Variants in FYN observed in about 807,000 individuals in gnomAD.
FYN encodes tyrosine-protein kinase Fyn.
In FYN, 10 loss-of-function variants were observed where a neutral mutation model predicts 70.2. That is an observed-to-expected ratio of 0.14 (90% CI 0.09 to 0.24). The LOEUF (loss-of-function observed/expected upper bound fraction) is 0.24. FYN is among the 10% of genes least tolerant of loss of function. FYN has a pLI of 1.00. For synonymous variants in FYN, 236 were observed against 248.6 expected (o/e 0.95, Z 0.48); for missense variants, 319 against 673.1 (o/e 0.47, Z 5.82).
chr6:111,782,038 G>A (rs770195147), intron 2 of FYN, among the ~76,000 whole-genome samples: 1 of 152,140 alleles, frequency 6.6e-6, no homozygotes, highest in South Asian at 2.1e-4. Flanking sequence ...ATGAGATCAT[G>A]TTTTTCCCCA....
At chr6:111,733,662 T>G (rs1273916188) in intron 3 of FYN, among the ~76,000 whole-genome samples, 1 of 152,184 alleles carries the variant, frequency 6.6e-6, no homozygotes, top group Non-Finnish European at 1.5e-5. Context: ...GTACAGAGCG[T>G]GTCACTCTGA....
At chr6:111,872,442 G>C (rs898980216) in intron 1 of FYN, among the ~76,000 whole-genome samples, 8 of 151,342 alleles carry the variant, frequency 5.3e-5, no homozygotes, top group Non-Finnish European at 1.2e-4. Flanking sequence ...GGGGAGGATG[G>C]GGGAAGTGCA....
At chr6:111,800,049 T>C (rs1771936106) in intron 2 of FYN, among the ~76,000 whole-genome samples, 1 of 151,984 alleles carries the variant, frequency 6.6e-6, no homozygotes, top group South Asian at 2.1e-4. Context: ...AAAAAGGGAG[T>C]TGTAAAAATT....
At position 111,694,759 on chromosome 6, in the gene FYN, G is replaced by C; in HGVS notation, c.1043-55C>G. On this transcript the variant is annotated intron_variant, in intron 10 of 13. Coordinates refer to ENST00000354650, the MANE Select transcript of FYN (RefSeq NM_002037.5). This position sits in a 1 kb window ranked among gnomAD's most constrained non-coding sequence, Gnocchi z 5.0. ...TTACTTTGAAAGATAATTCCCAACA[G>C]AGAGCTGTATTTGGTTTTCTTATTA... is the stretch of plus-strand genomic sequence containing the variant. 6.8e-7 allele frequency: 1 copy of C among 1,469,192 alleles called. No homozygotes were observed. Among genetic ancestry groups the C allele is most frequent in the Non-Finnish European group, 9.4e-7 (1 of 1,059,550 alleles). 91.0% of individuals were successfully genotyped at this position (1,469,192 alleles called of 1,614,324 possible).
chr6:111,703,127 C>A, intron 7 of FYN, 93 bp from the exon 8 acceptor site: 2 of 1,136,374 alleles, frequency 1.8e-6, no homozygotes, highest in South Asian at 1.4e-5. Flanking sequence ...TAATAATTAC[C>A]AAGGATGCAC....
intron 2 of FYN, among the ~76,000 whole-genome samples, chr6:111,841,185 CT>C (rs1283926655): frequency 6.6e-6 from 1 of 152,202 alleles, no homozygotes; most frequent in Non-Finnish European, 1.5e-5. Flanking sequence ...GATGCCACCC[CT>C]GGAAGTCATT....
chr6:111,714,923 G>C (rs1176635758), intron 4 of FYN, among the ~76,000 whole-genome samples: 2 of 152,142 alleles, frequency 1.3e-5, no homozygotes, highest in African/African-American at 4.8e-5. Context: ...CCTGCAGCTT[G>C]GGGAAATTTA....
Position 111,780,575 on chromosome 6 carries a change from C to T in FYN, c.-21G>A, listed in dbSNP as rs958977181. On this transcript the variant is annotated 5_prime_UTR_variant, in exon 3 of 14. Transcript: ENST00000354650. ...ATGCAGCAACACTTACCAAAATGTC[C>T]GCCAACGATCACAAACTTTATATAC... 2 of 152,604 alleles carry T rather than the reference C, an allele frequency of 1.3e-5. No individual in the cohort carries two copies. The highest frequency in any genetic ancestry group is 6.5e-5 in the Admixed American group (1 of 15,270). The allele number at this position is 152,604 out of a possible 1,614,324, so 9.5% of individuals were successfully genotyped here. A position where few individuals can be genotyped will look rare whatever the true frequency, so the allele number is the denominator to read the frequency against.
At chr6:111,777,196 A>G (rs1223643310) in intron 3 of FYN, among the ~76,000 whole-genome samples, 1 of 152,202 alleles carries the variant, frequency 6.6e-6, no homozygotes, top group Admixed American at 6.5e-5. Context: ...AAGCCGTCAG[A>G]GGCCCATCTG....
chr6:111,747,472 G>A (rs1802278859), intron 3 of FYN, among the ~76,000 whole-genome samples: 2 of 152,232 alleles, frequency 1.3e-5, no homozygotes, highest in Non-Finnish European at 2.9e-5. Flanking sequence ...AGTGTATTCT[G>A]TCTTCTCCTG....
Position 111,696,394 on chromosome 6 carries a change from C to G in FYN, c.925G>C (p.Glu309Gln). ...KTLKPGTMSPESFLEEAQIMK... is the reference protein window; with the variant it reads ...KTLKPGTMSPQSFLEEAQIMK... ...ATCTGCGCTTCCTCAAGGAATGATT[C>G]GGGGGACATTGTGCCTGGTTTAAGA... Residue 309 changes from glutamate (E) to glutamine (Q), a missense_variant, in exon 10 of 14, where the codon GAA becomes CAA. By Grantham distance (29) the Glu-to-Gln change is conservative. Transcript: ENST00000354650. 6.2e-7 allele frequency: 1 copy of G among 1,613,098 alleles called. No homozygotes were observed. The highest frequency in any genetic ancestry group is 8.5e-7 in the Non-Finnish European group (1 of 1,179,590).
chr6:111,756,447 C>A (rs9400497), intron 3 of FYN, among the ~76,000 whole-genome samples: 68,052 of 149,368 alleles, frequency 0.46, 15,512 homozygotes, highest in East Asian at 0.62. Context: ...AGATCAAAAC[C>A]AAAAAAAAAT....
intron 1 of FYN, among the ~76,000 whole-genome samples, chr6:111,849,348 G>A (rs1239051236): frequency 6.6e-6 from 1 of 152,148 alleles, no homozygotes; most frequent in Non-Finnish European, 1.5e-5. Context: ...AAATAAAACT[G>A]AGCAATCCTC....
intron 4 of FYN, among the ~76,000 whole-genome samples, chr6:111,719,221 C>G (rs768260883): frequency 1.3e-5 from 2 of 150,938 alleles, no homozygotes; most frequent in South Asian, 4.2e-4. Context: ...TGAGAACGTA[C>G]GCCAGATATT....
intron 2 of FYN, among the ~76,000 whole-genome samples, chr6:111,843,041 T>C (rs1447497916): frequency 6.6e-6 from 1 of 152,246 alleles, no homozygotes; most frequent in Non-Finnish European, 1.5e-5. Context: ...AAATAGGCAG[T>C]AGTGTTTGTG....
rs901364635 is a variant in FYN at position 111,696,471 on chromosome 6, G to C, written c.863-15C>G. The C allele has an allele frequency of 1.9e-6, 3 of 1,565,002 alleles. No homozygotes were observed. The highest frequency in any genetic ancestry group is 2.6e-6 in the Non-Finnish European group (3 of 1,151,600). ...ATTCCAGGTACCTACAAACATCCCA[G>C]AATATGAAGTCAAACCAAAGATCTT... On this transcript the variant is annotated splice_polypyrimidine_tract_variant and intron_variant, in intron 9 of 13. Transcript: ENST00000354650.
intron 2 of FYN, among the ~76,000 whole-genome samples, chr6:111,817,821 A>C (rs1034096744): frequency 2.6e-5 from 4 of 152,244 alleles, no homozygotes; most frequent in African/African-American, 9.6e-5. Context: ...ATAAAATATA[A>C]GTATCCCTAA....
intron 2 of FYN, among the ~76,000 whole-genome samples, chr6:111,799,362 A>C (rs1192949766): frequency 6.6e-6 from 1 of 152,162 alleles, no homozygotes; most frequent in Non-Finnish European, 1.5e-5. Context: ...TTAGAAGATG[A>C]GGTGGAAATA....
chr6:111,791,288 A>G (rs1177704740), intron 2 of FYN, among the ~76,000 whole-genome samples: 1 of 152,250 alleles, frequency 6.6e-6, no homozygotes, highest in South Asian at 2.1e-4. Context: ...ATGAAGTAAT[A>G]AATGTATAAA....
Sources: allele counts gnomAD v4.1 joint callset (sites outside exome capture counted in the v4.1 genomes callset), GRCh38; gene constraint gnomAD v4.1.1; non-coding constraint Gnocchi (gnomAD v3.1); transcripts MANE v1.5; gene names NCBI Gene and HGNC (gene_info 2026-07-23, HGNC 2026-07-21).